The following RBBP4 variants were observed in gnomAD, a reference collection of about 807,000 sequenced individuals.
The protein encoded by RBBP4 is histone-binding protein RBBP4.
A neutral mutation model predicts 57.2 loss-of-function variants in RBBP4; 3 were observed. The observed-to-expected ratio is 0.05, with a 90% CI of 0.02 to 0.14. RBBP4 has a LOEUF of 0.14. Among genes scored for constraint, RBBP4 ranks in the 10% least tolerant of loss-of-function variants. RBBP4 has a pLI of 1.00. For synonymous variants in RBBP4, 151 were observed against 171.5 expected (o/e 0.88, Z 0.93); for missense variants, 107 against 520.6 (o/e 0.21, Z 7.73).
intron 2 of RBBP4, among the ~76,000 whole-genome samples, chr1:32,653,729 G>A (rs80080794): frequency 0.079 from 10,271 of 130,500 alleles, 1,257 homozygotes; most frequent in African/African-American, 0.27. Flanking sequence ...CGTGATCTCC[G>A]CTGACTGCAA....
At chr1:32,668,924 G>T (rs747765068) in intron 5 of RBBP4, 48 bp from the exon 6 acceptor site, 1 of 1,612,696 alleles carries the variant, frequency 6.2e-7, no homozygotes, top group Non-Finnish European at 8.5e-7. Context: ...GGGGTGTGTG[G>T]GGAGGTGAGA....
chr1:32,671,804 A>G (rs1341869826), intron 8 of RBBP4, among the ~76,000 whole-genome samples: 9 of 151,354 alleles, frequency 5.9e-5, no homozygotes, highest in African/African-American at 1.9e-4. Flanking sequence ...AAGGTGGGAG[A>G]GTCGCTTGAA....
intron 11 of RBBP4, 94 bp from the exon 12 acceptor site, chr1:32,679,546 T>C: frequency 2.6e-6 from 3 of 1,158,978 alleles, no homozygotes; most frequent in Non-Finnish European, 3.6e-6. Flanking sequence ...CTATAAAGTA[T>C]TTACTCTCTG....
At chr1:32,668,163 A>G (rs1310059945) in intron 3 of RBBP4, 62 bp from the exon 4 acceptor site, 10 of 1,470,642 alleles carry the variant, frequency 6.8e-6, no homozygotes, top group Non-Finnish European at 7.4e-6. Flanking sequence ...GTGTTCTTAT[A>G]CTCTGGGTAA....
At chr1:32,654,076 A>G (rs968340685) in intron 2 of RBBP4, among the ~76,000 whole-genome samples, 1 of 151,914 alleles carries the variant, frequency 6.6e-6, no homozygotes, top group African/African-American at 2.4e-5. Flanking sequence ...AATTCAAACC[A>G]TTTAGGAACT....
chr1:32,684,186 A>G lies in RBBP4; in HGVS notation c.*4481A>G. On this transcript the variant is annotated 3_prime_UTR_variant, in exon 12 of 12. Transcript: ENST00000373493. ...CTTTTTGTTTTTGATTCTAAGGTAA[A>G]ATTTTCCCTAAGCCCTCCCACCATC... 1 of 1,605,694 alleles carries G rather than the reference A, an allele frequency of 6.2e-7. No individual in the cohort carries two copies. Among genetic ancestry groups the G allele is most frequent in the Non-Finnish European group, 8.5e-7 (1 of 1,174,696 alleles).
At chr1:32,665,678 TAAAAA>T (rs57130788) in intron 3 of RBBP4, among the ~76,000 whole-genome samples, 1 of 136,574 alleles carries the variant, frequency 7.3e-6, no homozygotes, top group African/African-American at 2.7e-5. Context: ...ACCCTGTCTT[TAAAAA>T]AAAAAAAAAA....
At chr1:32,668,100 G>A (rs536563297) in intron 3 of RBBP4, 125 bp from the exon 4 acceptor site, 4 of 850,090 alleles carry the variant, frequency 4.7e-6, no homozygotes, top group East Asian at 5.4e-5. Context: ...CAAATGTATA[G>A]ATTACATCTA....
chr1:32,684,298 G>C lies in RBBP4; in HGVS notation c.*4593G>C. The C allele has an allele frequency of 1.2e-6, 2 of 1,614,162 alleles. No individual in the cohort carries two copies. Among genetic ancestry groups the C allele is most frequent in the Non-Finnish European group, 1.7e-6 (2 of 1,180,038 alleles). Reference sequence around the variant, plus strand: ...TCTTCAGCAAGACTGAGCCTTAGCTGTTCCATCTCTTTGTTCTTCTGTTGC... The same window carrying C: ...TCTTCAGCAAGACTGAGCCTTAGCTCTTCCATCTCTTTGTTCTTCTGTTGC... On this transcript the variant is annotated 3_prime_UTR_variant, in exon 12 of 12. Coordinates refer to ENST00000373493, the MANE Select transcript of RBBP4 (RefSeq NM_005610.3).
At chr1:32,678,427 A>C (rs1649212550) in intron 11 of RBBP4, among the ~76,000 whole-genome samples, 1 of 151,880 alleles carries the variant, frequency 6.6e-6, no homozygotes, top group African/African-American at 2.4e-5. Flanking sequence ...GCGTTTCACC[A>C]TGTTGGCCAG....
At chr1:32,652,678 A>G (rs1041809910) in intron 2 of RBBP4, among the ~76,000 whole-genome samples, 3 of 152,076 alleles carry the variant, frequency 2.0e-5, no homozygotes, top group Admixed American at 6.6e-5. Context: ...AGTAGCTGGG[A>G]TTACAGGCAC....
Position 32,651,255 on chromosome 1 carries a change from CG to C in RBBP4, c.-51del. The C allele has an allele frequency of 6.6e-7, 1 of 1,506,250 alleles. No homozygotes were observed. The highest frequency in any genetic ancestry group is 8.9e-7 in the Non-Finnish European group (1 of 1,127,582). 93.3% of individuals were successfully genotyped at this position (1,506,250 alleles called of 1,614,324 possible). On this transcript the variant is annotated 5_prime_UTR_variant, in exon 1 of 12. Coordinates refer to ENST00000373493, the MANE Select transcript of RBBP4 (RefSeq NM_005610.3). ...ACAGAGCGAGCTCTTGCAGCCTCCCCGCCCCTCCCGCAACGCTCGACCCCAG... is the reference window on the plus strand; with the variant it reads ...ACAGAGCGAGCTCTTGCAGCCTCCCCCCCCTCCCGCAACGCTCGACCCCAG...
At chr1:32,657,707 T>C in intron 3 of RBBP4, 135 bp downstream of exon 3, 1 of 968,288 alleles carries the variant, frequency 1.0e-6, no homozygotes, top group South Asian at 2.1e-5. Context: ...GGTAGGTATT[T>C]ATATTTATAT....
intron 3 of RBBP4, among the ~76,000 whole-genome samples, chr1:32,661,352 T>A (rs1345736878): frequency 2.9e-5 from 4 of 135,700 alleles, no homozygotes; most frequent in African/African-American, 1.1e-4. Flanking sequence ...TGGAGTAAAG[T>A]GGCGCTATCT....
At chr1:32,651,401 G>A (rs1647613537) in intron 1 of RBBP4, 79 bp downstream of exon 1, 1 of 1,388,410 alleles carries the variant, frequency 7.2e-7, no homozygotes, top group South Asian at 1.7e-5. Flanking sequence ...TAACAGTGAG[G>A]GCAGGCCCGA....
Position 32,668,990 on chromosome 1 carries a change from A to T in RBBP4, c.619A>T (p.Ile207Phe). 6.2e-7 allele frequency: 1 copy of T among 1,614,178 alleles called. No individual in the cohort carries two copies. The highest frequency in any genetic ancestry group is 8.5e-7 in the Non-Finnish European group (1 of 1,180,026). ...SDDHTICLWD[I>F]SAVPKEGKVV... ...ATTTAAGACCATCTGCCTGTGGGAC[A>T]TCAGTGCCGTTCCAAAGGAGGGAAA... The change falls in exon 6 of 12, where the codon ATC becomes TTC. Residue 207 changes from isoleucine (I) to phenylalanine (F), a missense_variant. Around this residue, in one of 3 missense-constraint regions of RBBP4, gnomAD observed 92 missense variants for 408.5 expected, o/e 0.23. Coordinates refer to ENST00000373493, the MANE Select transcript of RBBP4 (RefSeq NM_005610.3).
At chr1:32,676,579 T>C (rs1649109382) in intron 11 of RBBP4, among the ~76,000 whole-genome samples, 1 of 142,532 alleles carries the variant, frequency 7.0e-6, no homozygotes, top group Non-Finnish European at 1.5e-5. Flanking sequence ...ACCATTGCAC[T>C]CGAACATGGG....
intron 2 of RBBP4, among the ~76,000 whole-genome samples, chr1:32,654,269 G>C (rs1012099624): frequency 2.0e-5 from 3 of 152,126 alleles, no homozygotes; most frequent in African/African-American, 7.2e-5. Flanking sequence ...CAGCTCCTCA[G>C]TGGGGGCTGA....
At chr1:32,671,623 T>C (rs1648879502) in intron 8 of RBBP4, among the ~76,000 whole-genome samples, 1 of 151,592 alleles carries the variant, frequency 6.6e-6, no homozygotes, top group African/African-American at 2.4e-5. Flanking sequence ...ACGCAGGAGG[T>C]TGAGGCAGCG....
Sources: allele counts gnomAD v4.1 joint callset (sites outside exome capture counted in the v4.1 genomes callset), GRCh38; gene constraint gnomAD v4.1.1; regional missense constraint gnomAD v4.1.1; transcripts MANE v1.5; gene names NCBI Gene and HGNC (gene_info 2026-07-23, HGNC 2026-07-21).